GBE1: variants seen among roughly 807,000 people sequenced by gnomAD.
The protein encoded by GBE1 is 1,4-alpha-glucan-branching enzyme.
GBE1 carries 70 observed loss-of-function variants against 88.8 expected under a neutral mutation model. The observed-to-expected ratio is 0.79, with a 90% CI of 0.65 to 0.96. The LOEUF is 0.96. Ranked by LOEUF, GBE1 falls within the 40% of genes least tolerant of loss-of-function variation. The pLI is 0.00. For missense variants in GBE1, 872 were observed against 871.0 expected, an observed-to-expected ratio of 1.00 and a Z score of -0.01; for synonymous variants, 284 against 300.1, an observed-to-expected ratio of 0.95 and a Z score of 0.56.
At chr3:81,633,105 T>C (rs1390285966) in intron 7 of GBE1, among the ~76,000 whole-genome samples, 1 of 152,192 alleles carries the variant, frequency 6.6e-6, no homozygotes, top group Non-Finnish European at 1.5e-5. Flanking sequence ...CCATAAACAT[T>C]ATGGCACATG....
intron 14 of GBE1, among the ~76,000 whole-genome samples, chr3:81,520,396 G>C (rs370355805): frequency 2.6e-5 from 4 of 151,296 alleles, no homozygotes; most frequent in Non-Finnish European, 5.9e-5. Context: ...CAAATAGAAG[G>C]CCCACAAAAG....
chr3:81,760,535 C>G (rs978641327), intron 1 of GBE1, among the ~76,000 whole-genome samples: 23 of 152,180 alleles, frequency 1.5e-4, no homozygotes, highest in African/African-American at 5.5e-4. Context: ...ATGGGGTAAC[C>G]TCACAAGTAT....
At chr3:81,571,154 T>A (rs1012081552) in intron 12 of GBE1, among the ~76,000 whole-genome samples, 7 of 152,214 alleles carry the variant, frequency 4.6e-5, no homozygotes, top group Non-Finnish European at 1.0e-4. Flanking sequence ...ACTTCCTACA[T>A]CATGTCCCAT....
In GBE1 at chr3:81,733,231, C is replaced by T. The variant is rs890786926; in HGVS notation, c.144-27618G>A. On this transcript the variant is annotated intron_variant, in intron 1 of 15. Coordinates refer to ENST00000429644, the MANE Select transcript of GBE1 (RefSeq NM_000158.4). The surrounding 1 kb of genome is among the most constrained non-coding windows in gnomAD (Gnocchi z 4.0). Reference sequence around the variant, plus strand: ...CTGCACATGCAAGGGATCTAAGTTGCGTGTTCCCATGAGAATCTAATGCCT... The same window carrying T: ...CTGCACATGCAAGGGATCTAAGTTGTGTGTTCCCATGAGAATCTAATGCCT... Among the ~76,000 whole-genome samples the T allele has an allele frequency of 3.3e-5, 5 of 151,938 alleles. No homozygotes were observed. The South Asian group carries it at 8.3e-4, about 25-fold the overall frequency.
intron 14 of GBE1, among the ~76,000 whole-genome samples, chr3:81,515,879 C>T (rs1244016580): frequency 2.6e-5 from 4 of 151,486 alleles, no homozygotes; most frequent in African/African-American, 9.7e-5. Flanking sequence ...CCAGCAAGGC[C>T]CTAGCTCTCT....
At chr3:81,512,815 G>T (rs1702742943) in intron 14 of GBE1, among the ~76,000 whole-genome samples, 1 of 151,714 alleles carries the variant, frequency 6.6e-6, no homozygotes. Flanking sequence ...TTCGCATATT[G>T]TAAATTGCCA....
chr3:81,560,194 C>A (rs562217946), intron 12 of GBE1, among the ~76,000 whole-genome samples: 2 of 151,736 alleles, frequency 1.3e-5, no homozygotes, highest in East Asian at 3.9e-4. Context: ...ATAAGCTGAT[C>A]TAAAAAAAAA....
intron 3 of GBE1, among the ~76,000 whole-genome samples, chr3:81,654,306 ATGT>A (rs1704898277): frequency 6.6e-6 from 1 of 151,702 alleles, no homozygotes; most frequent in African/African-American, 2.4e-5. Flanking sequence ...AAAACAGTAA[ATGT>A]TGAAGACAAA....
In GBE1 at chr3:81,627,768, A is replaced by T. The variant is rs74445325; in HGVS notation, c.992+15013T>A. Reference sequence around the variant, plus strand: ...TTACATATATATATATATATATATAAAAAACATATATATTTGTTGTTGTTG... The same window carrying T: ...TTACATATATATATATATATATATATAAAACATATATATTTGTTGTTGTTG... On this transcript the variant is annotated intron_variant, in intron 7 of 15. Transcript: ENST00000429644. Among the ~76,000 whole-genome samples the T allele has an allele frequency of 0.018, 1,248 of 67,930 alleles. 22 individuals are homozygous for T. In the East Asian group the frequency reaches 0.29, roughly 16 times the overall value. The allele number at this position is 67,930 out of a possible 152,430, so 44.6% of individuals were successfully genotyped here. A position where few individuals can be genotyped will look rare whatever the true frequency, so the allele number is the denominator to read the frequency against.
At chr3:81,584,387 T>C (rs1486922534) in intron 10 of GBE1, among the ~76,000 whole-genome samples, 1 of 152,092 alleles carries the variant, frequency 6.6e-6, no homozygotes, top group Admixed American at 6.6e-5. Flanking sequence ...GTGTGTTTTA[T>C]TGACATATAG....
In GBE1 at chr3:81,490,611, T is replaced by C. The variant is rs1702423910; in HGVS notation, c.2053-148A>G. 3 of 692,974 alleles carry C rather than the reference T, an allele frequency of 4.3e-6. No individual in the cohort carries two copies. The East Asian group carries it at 8.2e-5, about 19-fold the overall frequency. 42.9% of individuals were successfully genotyped at this position (692,974 alleles called of 1,614,324 possible). Reference sequence around the variant, plus strand: ...TTTACAAGCTCTTAGAAGGCTCAATTTCACAGTTCCAACAGTTCTGGCAGC... The same window carrying C: ...TTTACAAGCTCTTAGAAGGCTCAATCTCACAGTTCCAACAGTTCTGGCAGC... On this transcript the variant is annotated intron_variant, in intron 15 of 15. Coordinates refer to ENST00000429644, the MANE Select transcript of GBE1 (RefSeq NM_000158.4).
chr3:81,644,223 C>A (rs1460582150), intron 6 of GBE1, among the ~76,000 whole-genome samples: 2 of 151,924 alleles, frequency 1.3e-5, no homozygotes, highest in African/African-American at 2.4e-5. Context: ...AGACAACAAA[C>A]AAGCAAAATA....
intron 1 of GBE1, among the ~76,000 whole-genome samples, chr3:81,754,031 A>G (rs1706569555): frequency 6.6e-6 from 1 of 152,208 alleles, no homozygotes; most frequent in Admixed American, 6.5e-5. Context: ...CCTTGTTTGC[A>G]GACAACATGA....
chr3:81,636,023 TA>T (rs1461629558), intron 7 of GBE1, among the ~76,000 whole-genome samples: 1 of 152,176 alleles, frequency 6.6e-6, no homozygotes, highest in East Asian at 1.9e-4. Context: ...GAACAAAGTT[TA>T]TACAAAGACG....
chr3:81,560,128 C>T (rs2106908131), intron 12 of GBE1, among the ~76,000 whole-genome samples: 1 of 152,026 alleles, frequency 6.6e-6, no homozygotes, highest in Non-Finnish European at 1.5e-5. Context: ...TTGTTCAACA[C>T]ATAATAATTA....
At chr3:81,524,760 G>C in intron 14 of GBE1, among the ~76,000 whole-genome samples, 1 of 151,842 alleles carries the variant, frequency 6.6e-6, no homozygotes, top group East Asian at 1.9e-4. Flanking sequence ...CTGTTCTACT[G>C]GTATTTGTGT....
rs369918588 is a variant in GBE1, at chr3:81,557,719, T to G, written c.1618+20206A>C. On this transcript the variant is annotated intron_variant, in intron 12 of 15. Transcript: ENST00000429644. ...GGAGTTATTTACATTAAAGAAATGGTCAAAGCATAAAAGTAGATGAGTTTT... is the reference window on the plus strand; with the variant it reads ...GGAGTTATTTACATTAAAGAAATGGGCAAAGCATAAAAGTAGATGAGTTTT... Among the ~76,000 whole-genome samples, 6 of 151,922 alleles carry G rather than the reference T, an allele frequency of 3.9e-5. No individual in the cohort carries two copies. The East Asian group carries it at 7.7e-4, about 20-fold the overall frequency.
intron 7 of GBE1, among the ~76,000 whole-genome samples, chr3:81,615,647 A>G (rs969485322): frequency 1.3e-5 from 2 of 152,290 alleles, no homozygotes; most frequent in East Asian, 3.9e-4. Context: ...GTACTCCATG[A>G]TATGGATGTA....
At chr3:81,735,169 C>T (rs373158151) in intron 1 of GBE1, among the ~76,000 whole-genome samples, 14 of 152,136 alleles carry the variant, frequency 9.2e-5, no homozygotes, top group East Asian at 7.7e-4. Context: ...TATACTGATA[C>T]TACATTTTGG....
Sources: allele counts gnomAD v4.1 joint callset (sites outside exome capture counted in the v4.1 genomes callset), GRCh38; gene constraint gnomAD v4.1.1; non-coding constraint Gnocchi (gnomAD v3.1); transcripts MANE v1.5; gene names NCBI Gene and HGNC (gene_info 2026-07-23, HGNC 2026-07-21).